RIMBP2: variants seen among roughly 807,000 people sequenced by gnomAD.
The protein encoded by RIMBP2 is RIMS-binding protein 2.
RIMBP2 carries 48 observed loss-of-function variants against 118.6 expected under a neutral mutation model. The observed-to-expected ratio is 0.40, with a 90% CI of 0.32 to 0.51. The LOEUF (loss-of-function observed/expected upper bound fraction) is 0.51, where lower values mean the gene tolerates loss of function less well. Ranked by LOEUF, RIMBP2 falls within the 20% of genes least tolerant of loss-of-function variation. The pLI, the probability that RIMBP2 is intolerant of heterozygous loss-of-function variation, is 0.41. For missense variants in RIMBP2, 1,551 were observed against 1,768.3 expected (o/e 0.88, Z 2.20); for synonymous variants, 762 against 742.9 (o/e 1.03, Z -0.42).
intron 2 of RIMBP2, among the ~76,000 whole-genome samples, chr12:130,550,646 T>C (rs576536515): frequency 4.5e-4 from 69 of 152,348 alleles, no homozygotes; most frequent in African/African-American, 1.5e-3. Flanking sequence ...AGGTTAAAAA[T>C]TAAACTATAA....
chr12:130,593,785 T>A (rs1370607009), intron 2 of RIMBP2, among the ~76,000 whole-genome samples: 2 of 152,202 alleles, frequency 1.3e-5, no homozygotes, highest in African/African-American at 2.4e-5. Context: ...TCATTGAAAA[T>A]CCCTGGTTTC....
Position 130,683,054 on chromosome 12 carries a change from T to A in RIMBP2, c.-352+33168A>T, listed in dbSNP as rs186160708. 3.4e-3 allele frequency among the ~76,000 whole-genome samples: 522 copies of A among 152,286 alleles called. 2 individuals carry two copies. Among genetic ancestry groups the A allele is most frequent in the Non-Finnish European group, 5.9e-3 (402 of 68,032 alleles). ...TTAAGGTGAGGTCGTAGTAGTTGAA[T>A]AGTGCCTTCCCCAAAAAACCCACAT... On this transcript the variant is annotated intron_variant, in intron 1 of 22. Transcript: ENST00000690449. The surrounding 1 kb of genome is among the most constrained non-coding windows in gnomAD (Gnocchi z 4.4).
rs59960598 is a variant in RIMBP2, at chr12:130,443,246, C to CAAAA, written c.692-590_692-587dup. On this transcript the variant is annotated intron_variant, in intron 10 of 22. Coordinates refer to ENST00000690449, the MANE Select transcript of RIMBP2 (RefSeq NM_001393629.1). The stretch of plus-strand genomic sequence containing the variant: ...GGTGTCAGAACCACAAGTTGTGTGG[C>CAAAA]AAAAAAAAAAAAAAAAGTCAAAGTA... Among the ~76,000 whole-genome samples, 188 of 115,238 alleles carry CAAAA rather than the reference C, an allele frequency of 1.6e-3. 2 individuals are homozygous for CAAAA. Among genetic ancestry groups the CAAAA allele is most frequent in the African/African-American group, 5.1e-3 (173 of 33,892 alleles). The allele number at this position is 115,238 out of a possible 152,430, so 75.6% of individuals were successfully genotyped here.
At chr12:130,516,088 T>C (rs1426107497) in intron 3 of RIMBP2, among the ~76,000 whole-genome samples, 3 of 152,236 alleles carry the variant, frequency 2.0e-5, no homozygotes, top group Non-Finnish European at 2.9e-5. Context: ...CTGTTTTCTA[T>C]AGTGGTTGCA....
intron 19 of RIMBP2, 76 bp from the exon 20 acceptor site, chr12:130,407,905 T>A: frequency 7.5e-7 from 1 of 1,329,680 alleles, no homozygotes; most frequent in Non-Finnish European, 1.1e-6. Flanking sequence ...TCCTTCCGGG[T>A]CACACATGGC....
At chr12:130,517,707 C>G (rs35081925) in intron 3 of RIMBP2, 121 bp downstream of exon 3, 2 of 227,644 alleles carry the variant, frequency 8.8e-6, no homozygotes, top group South Asian at 3.2e-4. Flanking sequence ...GGCTCAGCCT[C>G]TCAGGCCACC....
intron 2 of RIMBP2, among the ~76,000 whole-genome samples, chr12:130,599,967 G>A (rs2059773783): frequency 6.6e-6 from 1 of 152,008 alleles, no homozygotes; most frequent in African/African-American, 2.4e-5. Context: ...ACCTCCTTTG[G>A]AGAGGCTTAT....
At position 130,419,089 on chromosome 12, in the gene RIMBP2, T is replaced by C. The variant is rs2076269145; in HGVS notation, c.3238+3364A>G. Among the ~76,000 whole-genome samples, 1 of 152,214 alleles carries C rather than the reference T, an allele frequency of 6.6e-6. No individual in the cohort carries two copies. Among genetic ancestry groups the C allele is most frequent in the Admixed American group, 6.5e-5 (1 of 15,286 alleles). ...CAGAGAGGATGCACTGGATGTGTTATGAGCACCAAACCTCGACAGGGAAAG... is the reference window on the plus strand; with the variant it reads ...CAGAGAGGATGCACTGGATGTGTTACGAGCACCAAACCTCGACAGGGAAAG... On this transcript the variant is annotated intron_variant, in intron 17 of 22. Coordinates refer to ENST00000690449, the MANE Select transcript of RIMBP2 (RefSeq NM_001393629.1). The surrounding 1 kb of genome is among the most constrained non-coding windows in gnomAD (Gnocchi z 4.3).
chr12:130,676,622 C>CA (rs546590354), intron 1 of RIMBP2, among the ~76,000 whole-genome samples: 2,722 of 134,244 alleles, frequency 0.02, 63 homozygotes, highest in Admixed American at 0.053. Context: ...GAGTCTGTCT[C>CA]AAAAAAAAAA....
At chr12:130,632,495 C>G (rs1026560091) in intron 1 of RIMBP2, among the ~76,000 whole-genome samples, 1 of 152,090 alleles carries the variant, frequency 6.6e-6, no homozygotes, top group Non-Finnish European at 1.5e-5. Context: ...CCGTACAGAA[C>G]AAGTAAACCT....
At chr12:130,681,940 A>T (rs918296041) in intron 1 of RIMBP2, among the ~76,000 whole-genome samples, 1 of 151,680 alleles carries the variant, frequency 6.6e-6, no homozygotes, top group Non-Finnish European at 1.5e-5. Flanking sequence ...CAAGTGATCC[A>T]CCCGCCTCAG....
At chr12:130,585,198 AG>A (rs1348966773) in intron 2 of RIMBP2, among the ~76,000 whole-genome samples, 1 of 152,158 alleles carries the variant, frequency 6.6e-6, no homozygotes, top group East Asian at 1.9e-4. Context: ...TGACCACTCC[AG>A]CCCCATCATT....
chr12:130,561,957 CA>C (rs542700478), intron 2 of RIMBP2, among the ~76,000 whole-genome samples: 85 of 151,796 alleles, frequency 5.6e-4, no homozygotes, highest in Non-Finnish European at 7.4e-4. Flanking sequence ...TGTTCACTGT[CA>C]AAAAATGTTA....
At chr12:130,472,737 T>C (rs1050904425) in intron 5 of RIMBP2, among the ~76,000 whole-genome samples, 3 of 152,134 alleles carry the variant, frequency 2.0e-5, no homozygotes, top group African/African-American at 7.2e-5. Context: ...CAAGGGGAAA[T>C]CTGCCATTCC....
chr12:130,687,789 A>G (rs895032360), intron 1 of RIMBP2, among the ~76,000 whole-genome samples: 2 of 152,218 alleles, frequency 1.3e-5, no homozygotes, highest in Admixed American at 6.5e-5. Flanking sequence ...CTAAGAAAGT[A>G]TAATAATGGC....
At chr12:130,638,437 G>A (rs1232972863) in intron 1 of RIMBP2, among the ~76,000 whole-genome samples, 2 of 152,220 alleles carry the variant, frequency 1.3e-5, no homozygotes, top group Non-Finnish European at 1.5e-5. Flanking sequence ...CGAGCTGCGG[G>A]CTAGTAAAGG....
At chr12:130,665,597 C>T (rs1317864569) in intron 1 of RIMBP2, among the ~76,000 whole-genome samples, 1 of 151,686 alleles carries the variant, frequency 6.6e-6, no homozygotes, top group Non-Finnish European at 1.5e-5. Flanking sequence ...CAGACAAACC[C>T]TCCGTGAGGA....
At chr12:130,414,408 C>A in intron 17 of RIMBP2, 102 bp from the exon 18 acceptor site, 1 of 1,222,440 alleles carries the variant, frequency 8.2e-7, no homozygotes. Context: ...GCAGCGGTTC[C>A]TTGACTTTTG....
At chr12:130,699,473 C>T (rs1170648418) in intron 1 of RIMBP2, among the ~76,000 whole-genome samples, 1 of 149,034 alleles carries the variant, frequency 6.7e-6, no homozygotes, top group Non-Finnish European at 1.5e-5. Context: ...CAAACTATTG[C>T]AAGGACAAAA....
Sources: allele counts gnomAD v4.1 joint callset (sites outside exome capture counted in the v4.1 genomes callset), GRCh38; gene constraint gnomAD v4.1.1; non-coding constraint Gnocchi (gnomAD v3.1); transcripts MANE v1.5; gene names NCBI Gene and HGNC (gene_info 2026-07-23, HGNC 2026-07-21).